PLS1: variants seen among roughly 807,000 people sequenced by gnomAD.
PLS1 encodes the protein plastin 1, also known as plastin-1.
In PLS1, 32 loss-of-function variants were observed where a neutral mutation model predicts 73.7. The ratio of observed to expected loss-of-function variants is 0.43; its 90% CI spans 0.33 to 0.58. The LOEUF is 0.58. Ranked by LOEUF, PLS1 falls within the 20% of genes least tolerant of loss-of-function variation. PLS1 has a pLI of 0.04. For synonymous variants in PLS1, 217 were observed against 261.3 expected, an observed-to-expected ratio of 0.83 and a Z score of 1.63; for missense variants, 633 against 740.5, an observed-to-expected ratio of 0.85 and a Z score of 1.68.
intron 1 of PLS1, among the ~76,000 whole-genome samples, chr3:142,600,367 T>C (rs1461306287): frequency 6.6e-6 from 1 of 152,070 alleles, no homozygotes; most frequent in Non-Finnish European, 1.5e-5. Flanking sequence ...TTCCTAGATA[T>C]ATTGTACACT....
intron 1 of PLS1, among the ~76,000 whole-genome samples, chr3:142,615,578 C>G (rs1370872137): frequency 6.6e-6 from 1 of 152,038 alleles, no homozygotes; most frequent in African/African-American, 2.4e-5. Flanking sequence ...GGAGGTGGAC[C>G]AGGATTGCAG....
Position 142,664,289 on chromosome 3 carries a change from G to A in PLS1, c.52G>A (p.Glu18Lys). ...TCGGGAGGAGCTTGAAGAACTACAA[G>A]AGGCATTTAATAAAATAGGTATGCT... ...ISREELEELQ[E>K]AFNKIDIDNS... Residue 18 changes from glutamate (E) to lysine (K), a missense_variant, in exon 2 of 16, where the codon GAG (glutamate) becomes AAG (lysine). Physicochemically the swap from Glu to Lys is moderately conservative, Grantham distance 56. Transcript: ENST00000457734. 6.3e-7 allele frequency: 1 copy of A among 1,575,200 alleles called. No homozygotes were observed. Among genetic ancestry groups the A allele is most frequent in the South Asian group, 1.1e-5 (1 of 89,560 alleles).
chr3:142,627,235 G>C (rs1171254187), intron 1 of PLS1, among the ~76,000 whole-genome samples: 1 of 152,048 alleles, frequency 6.6e-6, no homozygotes, highest in Non-Finnish European at 1.5e-5. Context: ...TAGGTGTTTG[G>C]GAAGGGGATT....
chr3:142,623,194 G>GTC (rs1362870381), intron 1 of PLS1, among the ~76,000 whole-genome samples: 2 of 152,176 alleles, frequency 1.3e-5, no homozygotes, highest in South Asian at 2.1e-4. Flanking sequence ...TCATAGGGTA[G>GTC]TCCCATTCCA....
At chr3:142,636,617 G>A (rs963037307) in intron 1 of PLS1, among the ~76,000 whole-genome samples, 1 of 152,160 alleles carries the variant, frequency 6.6e-6, no homozygotes, top group Non-Finnish European at 1.5e-5. Flanking sequence ...TTTCAAATAA[G>A]CTATTAAGAG....
At chr3:142,609,915 C>T (rs2036087938) in intron 1 of PLS1, among the ~76,000 whole-genome samples, 3 of 152,222 alleles carry the variant, frequency 2.0e-5, no homozygotes. Context: ...TTCGCGCAGG[C>T]TGGAGTGCAG....
At chr3:142,625,611 TTTATA>T (rs2036407407) in intron 1 of PLS1, among the ~76,000 whole-genome samples, 1 of 152,216 alleles carries the variant, frequency 6.6e-6, no homozygotes, top group African/African-American at 2.4e-5. Flanking sequence ...ATTTTTAATT[TTTATA>T]TACTAAATGT....
chr3:142,647,754 CA>C (rs1276475849), intron 1 of PLS1, among the ~76,000 whole-genome samples: 1 of 152,004 alleles, frequency 6.6e-6, no homozygotes, highest in African/African-American at 2.4e-5. Context: ...GTTCATTTTT[CA>C]ATTCATTTTT....
Position 142,711,600 on chromosome 3 carries a change from G to A in PLS1, c.1729G>A (p.Asp577Asn), listed in dbSNP as rs769652983. 6.8e-6 allele frequency: 11 copies of A among 1,608,708 alleles called. No homozygotes were observed. The South Asian group carries it at 1.1e-4, about 16-fold the overall frequency. ...AATGATCAGGAGAGAAAACTTATCT[G>A]ATGAGGACAAGCTGAACAATGCTAA... is the stretch of plus-strand genomic sequence containing the variant. The part of the protein sequence containing the change: ...QEMIRRENLS[D>N]EDKLNNAKYA... The change falls in exon 15 of 16, where the codon GAT (aspartate) becomes AAT (asparagine). Residue 577 changes from aspartate (D) to asparagine (N), a missense_variant. Asp to Asn is a conservative substitution (Grantham distance 23). Transcript: ENST00000457734.
At chr3:142,638,712 CATTTTATTTTATTTT>C (rs67652440) in intron 1 of PLS1, among the ~76,000 whole-genome samples, 95,317 of 149,392 alleles carry the variant, frequency 0.64, 31,103 homozygotes, top group African/African-American at 0.72. Flanking sequence ...CACTTATCTT[CATTTTATTTTATTTT>C]ATTTTATTTT....
intron 1 of PLS1, among the ~76,000 whole-genome samples, chr3:142,649,555 T>C (rs2108633992): frequency 6.6e-6 from 1 of 152,040 alleles, no homozygotes; most frequent in East Asian, 1.9e-4. Flanking sequence ...GGAGAATTGC[T>C]TGAGCCTGGG....
At chr3:142,673,152 C>T (rs1274190724) in intron 4 of PLS1, among the ~76,000 whole-genome samples, 1 of 152,130 alleles carries the variant, frequency 6.6e-6, no homozygotes. Flanking sequence ...AGGGATCCTC[C>T]CACCTCAGCC....
intron 1 of PLS1, among the ~76,000 whole-genome samples, chr3:142,640,790 T>C (rs115678250): frequency 0.036 from 5,429 of 152,282 alleles, 142 homozygotes; most frequent in Non-Finnish European, 0.056. Flanking sequence ...TTTGGATTTA[T>C]TGTAGTAGTT....
At chr3:142,614,778 C>G (rs558392001) in intron 1 of PLS1, among the ~76,000 whole-genome samples, 1 of 152,062 alleles carries the variant, frequency 6.6e-6, no homozygotes, top group Non-Finnish European at 1.5e-5. Flanking sequence ...CTGGCCTGGG[C>G]TCCATCTGCT....
At chr3:142,694,756 T>C (rs976663016) in intron 11 of PLS1, among the ~76,000 whole-genome samples, 29 of 152,360 alleles carry the variant, frequency 1.9e-4, no homozygotes, top group African/African-American at 7.0e-4. Flanking sequence ...TTTGATGATA[T>C]ACGTAAATCA....
In PLS1 at chr3:142,684,180, A is replaced by T; in HGVS notation, c.745+9A>T. On this transcript the variant is annotated intron_variant, in intron 7 of 15. Coordinates refer to ENST00000457734, the MANE Select transcript of PLS1 (RefSeq NM_001145319.2). ...GATTTCCAGGAATGAAGGTAAGATC[A>T]TTAGAAATATTTGCTGTTCATTGAC... is the stretch of plus-strand genomic sequence containing the variant. The T allele has an allele frequency of 6.2e-7, 1 of 1,613,852 alleles. No individual in the cohort carries two copies. Among genetic ancestry groups the T allele is most frequent in the South Asian group, 1.1e-5 (1 of 91,074 alleles).
chr3:142,658,590 G>A (rs1457576526), intron 1 of PLS1, among the ~76,000 whole-genome samples: 2 of 151,994 alleles, frequency 1.3e-5, no homozygotes, highest in Admixed American at 6.5e-5. Flanking sequence ...TCTCATGTAT[G>A]TTTAAGTTTT....
chr3:142,694,057 C>T (rs570624271), intron 10 of PLS1, among the ~76,000 whole-genome samples: 7 of 151,900 alleles, frequency 4.6e-5, no homozygotes, highest in South Asian at 2.1e-4. Context: ...AACACTGCAC[C>T]GAGAAAGGTA....
intron 5 of PLS1, among the ~76,000 whole-genome samples, chr3:142,676,656 T>A (rs2037732612): frequency 6.6e-6 from 1 of 152,210 alleles, no homozygotes; most frequent in Admixed American, 6.5e-5. Context: ...AAAGGGAAGA[T>A]ATTCCTTATT....
Sources: allele counts gnomAD v4.1 joint callset (sites outside exome capture counted in the v4.1 genomes callset), GRCh38; gene constraint gnomAD v4.1.1; transcripts MANE v1.5; gene names NCBI Gene and HGNC (gene_info 2026-07-23, HGNC 2026-07-21).